Variants in KLHL12 observed in about 807,000 individuals in gnomAD.
The protein encoded by KLHL12 is kelch like family member 12, also known as kelch-like protein 12.
A neutral mutation model predicts 60.8 loss-of-function variants in KLHL12; 17 were observed. The ratio of observed to expected loss-of-function variants is 0.28; its 90% CI spans 0.19 to 0.42. The LOEUF (loss-of-function observed/expected upper bound fraction) is 0.42. Ranked by LOEUF, KLHL12 falls within the 10% of genes least tolerant of loss-of-function variation. The pLI, the probability that KLHL12 is intolerant of heterozygous loss-of-function variation, is 1.00. For missense variants in KLHL12, 468 were observed against 722.3 expected, an observed-to-expected ratio of 0.65 and a Z score of 4.04; for synonymous variants, 220 against 250.9, an observed-to-expected ratio of 0.88 and a Z score of 1.16.
chr1:202,910,256 T>G (rs1571530287), intron 5 of KLHL12, among the ~76,000 whole-genome samples: 1 of 152,242 alleles, frequency 6.6e-6, no homozygotes, highest in Admixed American at 6.5e-5. Context: ...GTGGTGAATT[T>G]GGGATTTCAG....
In KLHL12 at chr1:202,919,845, A is replaced by G. The variant is rs1214161160; in HGVS notation, c.259T>C (p.Leu87=). 1 of 1,613,970 alleles carries G rather than the reference A, an allele frequency of 6.2e-7. No homozygotes were observed. Among genetic ancestry groups the G allele is most frequent in the Non-Finnish European group, 8.5e-7 (1 of 1,179,914 alleles). ...QGLTASTMEI[L]LDFVYTETVH... ...GTTTCTGTGTACACAAAGTCCAATAAAATTTCCATGGTAGAGGCAGTCAAA... is the reference window on the plus strand; with the variant it reads ...GTTTCTGTGTACACAAAGTCCAATAGAATTTCCATGGTAGAGGCAGTCAAA... Residue 87 remains leucine (L), a synonymous_variant, in exon 3 of 12, where the codon TTA becomes CTA. Transcript: ENST00000367261.
At position 202,893,158 on chromosome 1, in the gene KLHL12, T is replaced by G; in HGVS notation, c.1580+81A>C. ...TGTCTACCCCTACCCAAGTCTTGTC[T>G]CTGTCCAAAAATGAGGATCAGATCA... On this transcript the variant is annotated intron_variant, in intron 11 of 11. Coordinates refer to ENST00000367261, the MANE Select transcript of KLHL12 (RefSeq NM_021633.4). The surrounding 1 kb of genome is among the most constrained non-coding windows in gnomAD (Gnocchi z 4.1). The G allele has an allele frequency of 8.5e-7, 1 of 1,179,386 alleles. No homozygotes were observed. Among genetic ancestry groups the G allele is most frequent in the South Asian group, 1.6e-5 (1 of 62,326 alleles). 73.1% of individuals were successfully genotyped at this position (1,179,386 alleles called of 1,614,324 possible). A position where few individuals can be genotyped will look rare whatever the true frequency, so the allele number is the denominator to read the frequency against.
At position 202,911,175 on chromosome 1, in the gene KLHL12, G is replaced by A. The variant is rs1332695561; in HGVS notation, c.596C>T (p.Ala199Val). 2 of 1,614,078 alleles carry A rather than the reference G, an allele frequency of 1.2e-6. No individual in the cohort carries two copies. The highest frequency in any genetic ancestry group is 1.7e-6 in the Non-Finnish European group (2 of 1,180,006). ...QVDSEEPVFEAVINWVKHAKK... is the reference protein window; with the variant it reads ...QVDSEEPVFEVVINWVKHAKK... ...GGCATGCTTCACCCAGTTGATGACA[G>A]CCTCAAAGACTGGCTCTTCAGAATC... The change falls in exon 5 of 12, where the codon GCT becomes GTT. Residue 199 changes from alanine to valine, a missense_variant. By Grantham distance (64) the Ala-to-Val change is moderately conservative. Transcript: ENST00000367261.
chr1:202,907,201 G>A (rs1359772379), intron 6 of KLHL12, among the ~76,000 whole-genome samples: 1 of 152,132 alleles, frequency 6.6e-6, no homozygotes, highest in Non-Finnish European at 1.5e-5. Context: ...TTAAAAAAAT[G>A]CAGTATCTTT....
At chr1:202,906,009 C>T (rs1442349939) in intron 6 of KLHL12, among the ~76,000 whole-genome samples, 34 of 114,284 alleles carry the variant, frequency 3.0e-4, no homozygotes, top group African/African-American at 8.4e-4. Flanking sequence ...TTAGTAGATA[C>T]GGGGTTTCAC....
Position 202,917,964 on chromosome 1 carries a change from A to T in KLHL12, c.567+207T>A, listed in dbSNP as rs561180743. 8.2e-4 allele frequency among the ~76,000 whole-genome samples: 125 copies of T among 152,324 alleles called. 1 individual carries two copies. The highest frequency in any genetic ancestry group is 3.4e-3 in the Middle Eastern group (1 of 294). ...CTCTGTTGAATAGTGATTCTTACCC[A>T]CTGGGATCATATATCTAATTGAAGA... On this transcript the variant is annotated intron_variant, in intron 4 of 11. Transcript: ENST00000367261.
intron 6 of KLHL12, 38 bp downstream of exon 6, chr1:202,908,972 G>A: frequency 7.6e-7 from 1 of 1,312,530 alleles, no homozygotes. Context: ...AGAAGTAGTT[G>A]AAAAGCATCC....
At chr1:202,927,888 A>G (rs148088850), upstream of KLHL12, among the ~76,000 whole-genome samples, 740 of 151,366 alleles carry the variant, frequency 4.9e-3, 4 homozygotes, top group Non-Finnish European at 8.6e-3. Context: ...AGGCTAATGC[A>G]GGAGAATCGC....
rs1414346500 is a variant in KLHL12, at chr1:202,892,482, C to G, written c.*51G>C. On this transcript the variant is annotated 3_prime_UTR_variant, in exon 12 of 12. Coordinates refer to ENST00000367261, the MANE Select transcript of KLHL12 (RefSeq NM_021633.4). ...CTGGAAAGGATTTTTGATTCTCCCA[C>G]TAACTGTCCACTGGACTGGTCACTA... 1.3e-6 allele frequency: 2 copies of G among 1,595,354 alleles called. No homozygotes were observed. The highest frequency in any genetic ancestry group is 1.7e-6 in the Non-Finnish European group (2 of 1,167,266).
Position 202,909,684 on chromosome 1 carries a change from A to G in KLHL12, c.718-560T>C, listed in dbSNP as rs1422482987. Among the ~76,000 whole-genome samples the G allele has an allele frequency of 1.3e-5, 2 of 152,128 alleles. No homozygotes were observed. The highest frequency in any genetic ancestry group is 2.4e-5 in the African/African-American group (1 of 41,416). ...TCTCTGGCTCAGAAGACTGGCCTAT[A>G]TGAACTGTGTCAATAGGGCTTCCTA... On this transcript the variant is annotated intron_variant, in intron 5 of 11. Transcript: ENST00000367261. The surrounding 1 kb of genome is among the most constrained non-coding windows in gnomAD (Gnocchi z 4.1).
chr1:202,920,998 G>C (rs756887882), intron 2 of KLHL12, among the ~76,000 whole-genome samples: 12 of 151,936 alleles, frequency 7.9e-5, no homozygotes, highest in Non-Finnish European at 1.8e-4. Flanking sequence ...CCTATCATCT[G>C]TCCTTAGACT....
At chr1:202,900,674 G>A (rs1474130596) in intron 6 of KLHL12, among the ~76,000 whole-genome samples, 2 of 152,152 alleles carry the variant, frequency 1.3e-5, no homozygotes, top group Non-Finnish European at 2.9e-5. Flanking sequence ...GGCCAGCCTG[G>A]CCAACATGGT....
intron 1 of KLHL12, 27 bp downstream of exon 1, chr1:202,927,062 G>A (rs1396078691): frequency 2.0e-6 from 2 of 985,238 alleles, no homozygotes; most frequent in Admixed American, 6.1e-5. Flanking sequence ...GGGAAGGGCT[G>A]ACTGCCATCA....
At chr1:202,927,366 G>A (rs992247042), upstream of KLHL12, 7 of 725,462 alleles carry the variant, frequency 9.6e-6, no homozygotes, top group Admixed American at 6.3e-5. Flanking sequence ...GCTTCTGTAC[G>A]CTGCTAGGAA....
At chr1:202,898,875 C>T (rs1376861067) in intron 6 of KLHL12, among the ~76,000 whole-genome samples, 1 of 151,328 alleles carries the variant, frequency 6.6e-6, no homozygotes, top group Non-Finnish European at 1.5e-5. Context: ...AAAAAAATTA[C>T]ACAAACACGT....
chr1:202,925,026 G>A lies in KLHL12; in HGVS notation c.137C>T (p.Ala46Val), dbSNP rs1055317325. ...TLRVEQKDFP[A>V]HRIVLAACSD... ...ACAGGCAGCCAGCACAATCCGATGG[G>A]CAGGGAAGTCTTTCTGCTCTACTCT... is the stretch of plus-strand genomic sequence containing the variant. Residue 46 changes from alanine (A) to valine (V), a missense_variant, in exon 2 of 12, where the codon GCC becomes GTC. By Grantham distance (64) the Ala-to-Val change is moderately conservative. This residue lies in a region of KLHL12 where 61 missense variants were observed against 59.9 expected (regional missense o/e 1.02). Transcript: ENST00000367261. The A allele has an allele frequency of 1.9e-6, 3 of 1,614,070 alleles. No homozygotes were observed. In the African/African-American group the frequency reaches 4.0e-5, roughly 22 times the overall value.
At position 202,892,530 on chromosome 1, in the gene KLHL12, T is replaced by C. The variant is rs1659707809; in HGVS notation, c.*3A>G. 2.5e-6 allele frequency: 4 copies of C among 1,613,324 alleles called. No homozygotes were observed. The highest frequency in any genetic ancestry group is 2.7e-5 in the African/African-American group (2 of 75,024). On this transcript the variant is annotated 3_prime_UTR_variant, in exon 12 of 12. Coordinates refer to ENST00000367261, the MANE Select transcript of KLHL12 (RefSeq NM_021633.4). ...CTAGCTCTGGATGGTGCTCCAACAA[T>C]GGTCACTTCTCGCGGAGAACACAAA...
rs10577552 is a variant in KLHL12 at position 202,911,456 on chromosome 1, ATC to A, written c.568-255_568-254del. On this transcript the variant is annotated intron_variant, in intron 4 of 11. Coordinates refer to ENST00000367261, the MANE Select transcript of KLHL12 (RefSeq NM_021633.4). ...TACACACACACATATATATATATGT[ATC>A]TCTCTCTCTCTCTCTCTCTCTAAGA... 2.4e-3 allele frequency among the ~76,000 whole-genome samples: 359 copies of A among 149,192 alleles called. 2 individuals carry two copies. The highest frequency in any genetic ancestry group is 3.0e-3 in the Non-Finnish European group (200 of 67,318).
chr1:202,911,254 C>T (rs1171267349), intron 4 of KLHL12, 51 bp from the exon 5 acceptor site: 1 of 1,594,306 alleles, frequency 6.3e-7, no homozygotes, highest in Middle Eastern at 1.7e-4. Context: ...AATTAGCTCA[C>T]CATCTCAAAA....
Sources: gnomAD v4.1 joint callset for allele counts (sites outside exome capture counted in the v4.1 genomes callset) on GRCh38, gnomAD v4.1.1 for gene constraint, gnomAD v4.1.1 regional missense constraint, Gnocchi (gnomAD v3.1) non-coding constraint, MANE v1.5 for transcripts, NCBI Gene and HGNC (gene_info 2026-07-23, HGNC 2026-07-21) for gene names.